Variants in ACACA observed in about 807,000 individuals in gnomAD.
ACACA encodes the protein acetyl-CoA carboxylase alpha, also known as acetyl-CoA carboxylase 1.
A neutral mutation model predicts 296.1 loss-of-function variants in ACACA; 103 were observed. The ratio of observed to expected loss-of-function variants is 0.35; its 90% CI spans 0.30 to 0.41. The LOEUF (loss-of-function observed/expected upper bound fraction) is 0.41, where lower values mean the gene tolerates loss of function less well. Ranked by LOEUF, ACACA falls within the 10% of genes least tolerant of loss-of-function variation. ACACA has a pLI of 1.00. For missense variants in ACACA, 1,554 were observed against 2,989.7 expected, an observed-to-expected ratio of 0.52 and a Z score of 11.20; for synonymous variants, 953 against 1,038.6, an observed-to-expected ratio of 0.92 and a Z score of 1.58.
intron 1 of ACACA, among the ~76,000 whole-genome samples, chr17:37,394,272 T>A (rs1277305468): frequency 1 from 151,617 of 151,620 alleles, 75,807 homozygotes; most frequent in Non-Finnish European, 1. Flanking sequence ...GTGCAATGGT[T>A]CAATCTCAGC....
intron 52 of ACACA, among the ~76,000 whole-genome samples, chr17:37,104,288 T>C (rs985211686): frequency 4.6e-5 from 7 of 152,226 alleles, no homozygotes; most frequent in African/African-American, 1.4e-4. Context: ...ATGCACACTT[T>C]TAATTAAAAA....
intron 2 of ACACA, among the ~76,000 whole-genome samples, chr17:37,332,881 G>T (rs1000292220): frequency 2.9e-4 from 43 of 149,438 alleles, no homozygotes; most frequent in Non-Finnish European, 3.7e-4. Flanking sequence ...CTGCACTCCA[G>T]CCTGGGTGAC....
chr17:37,350,691 T>C (rs1324128811), intron 1 of ACACA, among the ~76,000 whole-genome samples: 1 of 151,804 alleles, frequency 6.6e-6, no homozygotes, highest in Non-Finnish European at 1.5e-5. Flanking sequence ...AATACAAAAT[T>C]ATCCGGGCAT....
rs1182792109 is a variant in ACACA, at chr17:37,085,490, T to C, written c.*1826A>G. The C allele has an allele frequency of 7.5e-6, 3 of 397,676 alleles. No individual in the cohort carries two copies. Among genetic ancestry groups the C allele is most frequent in the South Asian group, 2.8e-4 (2 of 7,102 alleles). 24.6% of individuals were successfully genotyped at this position (397,676 alleles called of 1,614,324 possible). A position where few individuals can be genotyped will look rare whatever the true frequency, so the allele number is the denominator to read the frequency against. ...GGATTTGATTTATTGCAAAAAAGCA[T>C]AGAAGAATAATCTGGTCAAAAATGA... On this transcript the variant is annotated 3_prime_UTR_variant, in exon 56 of 56. Transcript: ENST00000616317.
rs547013978 is a variant in ACACA at position 37,338,789 on chromosome 17, A to T, written c.85+1015T>A. ...CCCCAACTTTACTAAAAATACAAAA[A>T]ATTAGCCAGGCGTGGCGGTGGGCAC... On this transcript the variant is annotated intron_variant, in intron 2 of 55. Coordinates refer to ENST00000616317, the MANE Select transcript of ACACA (RefSeq NM_198834.3). 5.3e-5 allele frequency among the ~76,000 whole-genome samples: 8 copies of T among 151,858 alleles called. No individual in the cohort carries two copies. The South Asian group carries it at 1.7e-3, about 32-fold the overall frequency.
chr17:37,244,237 G>A (rs1008167141), intron 21 of ACACA, among the ~76,000 whole-genome samples: 3 of 151,732 alleles, frequency 2.0e-5, no homozygotes, highest in Admixed American at 6.6e-5. Flanking sequence ...CTGGTGGCAC[G>A]TGCCTACAAT....
chr17:37,165,749 A>G (rs752694058), intron 41 of ACACA, among the ~76,000 whole-genome samples: 4 of 149,458 alleles, frequency 2.7e-5, no homozygotes, highest in Non-Finnish European at 5.9e-5. Context: ...ATCTTGGCTC[A>G]CTGCAACCTT....
intron 45 of ACACA, among the ~76,000 whole-genome samples, chr17:37,136,183 G>A (rs1159091406): frequency 1.3e-5 from 2 of 152,036 alleles, no homozygotes; most frequent in Non-Finnish European, 2.9e-5. Context: ...TCAAGATAGA[G>A]AGCATTTTCA....
At chr17:37,154,229 C>T (rs1005135278) in intron 43 of ACACA, among the ~76,000 whole-genome samples, 3 of 152,080 alleles carry the variant, frequency 2.0e-5, no homozygotes, top group African/African-American at 4.8e-5. Context: ...ATCTCTGAAG[C>T]TCAGGAGTTT....
chr17:37,090,923 GAA>G (rs755698651), intron 54 of ACACA, among the ~76,000 whole-genome samples: 1 of 139,490 alleles, frequency 7.2e-6, no homozygotes, highest in Admixed American at 7.2e-5. Context: ...TTTCAGAATG[GAA>G]AAAAAAAAAA....
chr17:37,199,913 CATT>C (rs964492324), intron 35 of ACACA, among the ~76,000 whole-genome samples: 4 of 151,870 alleles, frequency 2.6e-5, no homozygotes, highest in African/African-American at 9.7e-5. Flanking sequence ...GACTGGGTCT[CATT>C]ATGTTGCCCA....
In ACACA at chr17:37,406,478, C is replaced by CG. The variant is rs1169932744; in HGVS notation, c.-180dup. The CG allele has an allele frequency of 1.3e-5, 9 of 690,400 alleles. No homozygotes were observed. The highest frequency in any genetic ancestry group is 4.0e-4 in the Middle Eastern group (1 of 2,522). The allele number at this position is 690,400 out of a possible 1,614,324, so 42.8% of individuals were successfully genotyped here. A position where few individuals can be genotyped will look rare whatever the true frequency, so the allele number is the denominator to read the frequency against. On this transcript the variant is annotated 5_prime_UTR_variant, in exon 1 of 56. Transcript: ENST00000616317. ...CGGGGCCCGGACTGGAGAGGCGCCA[C>CG]GGCTCGCCGTCCCTGGGCCCAGTTC...
chr17:37,247,379 T>C (rs1000124810), intron 18 of ACACA, among the ~76,000 whole-genome samples: 1 of 151,922 alleles, frequency 6.6e-6, no homozygotes, highest in Non-Finnish European at 1.5e-5. Context: ...AATTTCTTTT[T>C]TTTTTGATAC....
intron 25 of ACACA, among the ~76,000 whole-genome samples, chr17:37,227,688 G>A (rs1006239180): frequency 2.0e-4 from 30 of 152,028 alleles, no homozygotes; most frequent in Admixed American, 5.2e-4. Context: ...GTGAAACCCC[G>A]TCTCTACTAA....
chr17:37,296,828 T>C (rs551164884), intron 3 of ACACA, among the ~76,000 whole-genome samples: 7 of 151,986 alleles, frequency 4.6e-5, no homozygotes, highest in Non-Finnish European at 8.8e-5. Flanking sequence ...GCAATTCTCG[T>C]GCCTCAACCA....
At chr17:37,276,425 A>G (rs1232816557) in intron 7 of ACACA, among the ~76,000 whole-genome samples, 1 of 152,264 alleles carries the variant, frequency 6.6e-6, no homozygotes, top group Non-Finnish European at 1.5e-5. Context: ...TCAAGTCTGA[A>G]ATAGTATACG....
At chr17:37,187,934 G>A (rs550588689) in intron 39 of ACACA, among the ~76,000 whole-genome samples, 3 of 152,226 alleles carry the variant, frequency 2.0e-5, no homozygotes, top group South Asian at 4.1e-4. Flanking sequence ...CGGAAAGGAC[G>A]CATCAGACCA....
intron 29 of ACACA, among the ~76,000 whole-genome samples, chr17:37,216,188 A>G (rs1035413558): frequency 1.8e-4 from 20 of 108,474 alleles, no homozygotes; most frequent in African/African-American, 1.1e-3. Context: ...ACATACACAC[A>G]CGTGTGTGTG....
Position 37,087,366 on chromosome 17 carries a change from G to A in ACACA, c.7102C>T (p.Arg2368Ter), listed in dbSNP as rs750017606. The change falls in exon 56 of 56, where the codon CGA becomes TGA. Residue 2368 changes from arginine (R) to a stop codon, truncating the protein, a stop_gained. Coordinates refer to ENST00000616317, the MANE Select transcript of ACACA (RefSeq NM_198834.3). LOFTEE classifies it high-confidence loss of function. ...GAGAGGATCCGTATGACTTCTGCTC[G>A]CTGAGTGGGTGATATGTGCTGCGTC... ...HMTQHISPTQ[R>*]AEVIRILSTM... The A allele has an allele frequency of 3.7e-6, 6 of 1,614,094 alleles. No homozygotes were observed. Among genetic ancestry groups the A allele is most frequent in the Non-Finnish European group, 4.2e-6 (5 of 1,180,012 alleles).
Sources: allele counts gnomAD v4.1 joint callset (sites outside exome capture counted in the v4.1 genomes callset), GRCh38; gene constraint gnomAD v4.1.1; transcripts MANE v1.5; gene names NCBI Gene and HGNC (gene_info 2026-07-23, HGNC 2026-07-21).